Variants in ZNF232 observed in about 807,000 individuals in gnomAD.
The protein encoded by ZNF232 is zinc finger and SCAN domain-containing protein 11.
A neutral mutation model predicts 25.2 loss-of-function variants in ZNF232; 25 were observed. That is an observed-to-expected ratio of 0.99 (90% CI 0.72 to 1.39). The LOEUF (loss-of-function observed/expected upper bound fraction) is 1.39. Among genes scored for constraint, ZNF232 ranks in the 40% most tolerant of loss-of-function variants. ZNF232 has a pLI of 0.00. For missense variants in ZNF232, 519 were observed against 520.9 expected (o/e 1.00, Z 0.04); for synonymous variants, 193 against 182.9 (o/e 1.06, Z -0.45).
At chr17:5,117,557 G>A (rs2143684419) in intron 1 of ZNF232, among the ~76,000 whole-genome samples, 1 of 151,200 alleles carries the variant, frequency 6.6e-6, no homozygotes, top group East Asian at 1.9e-4. Flanking sequence ...TACAGCACAA[G>A]TGAATAAATG....
rs533982299 is a variant in ZNF232, at chr17:5,111,746, G to T, written c.23+54C>A. On this transcript the variant is annotated intron_variant, in intron 1 of 3. Coordinates refer to ENST00000575898, the Ensembl canonical transcript of ZNF232. ...GCAGAGCCGCCGCTGCCTGCGGGAC[G>T]GGCAAAAGCCAAGCCGCCAGGTGGA... 189 of 1,612,744 alleles carry T rather than the reference G, an allele frequency of 1.2e-4. 2 individuals carry two copies. Among genetic ancestry groups the T allele is most frequent in the Middle Eastern group, 9.9e-4 (6 of 6,058 alleles).
intron 3 of ZNF232, 44 bp downstream of exon 3, chr17:5,108,882 G>A: frequency 6.2e-7 from 1 of 1,612,872 alleles, no homozygotes; most frequent in Middle Eastern, 1.7e-4. Context: ...GCCCTTTATA[G>A]TCCCTCTTTC....
chr17:5,109,202 G>T, intron 2 of ZNF232, 150 bp from the exon 3 acceptor site: 1 of 1,280,454 alleles, frequency 7.8e-7, no homozygotes. Flanking sequence ...CAGCACAAGG[G>T]AAGAAGAGGA....
intron 3 of ZNF232, among the ~76,000 whole-genome samples, chr17:5,107,204 C>T (rs544901342): frequency 3.8e-4 from 58 of 151,596 alleles, no homozygotes; most frequent in Non-Finnish European, 6.6e-4. Flanking sequence ...CTGGCCAACA[C>T]GGTGAAACCC....
At chr17:5,116,002 G>C (rs1337347238), upstream of ZNF232, among the ~76,000 whole-genome samples, 1 of 152,246 alleles carries the variant, frequency 6.6e-6, no homozygotes, top group Admixed American at 6.5e-5. Flanking sequence ...ACGGCACAAA[G>C]GGGCGCAAGG....
rs372272697 is a variant in ZNF232 at position 5,118,572 on chromosome 17, C to T, written c.-530+4405G>A. The stretch of plus-strand genomic sequence containing the variant: ...GCTCAGCTGGCCCCTAGCCCCATTG[C>T]GTGGGGTGGCTACCTGCCACTGGTG... On this transcript the variant is annotated intron_variant, in intron 1 of 4. Coordinates refer to the ZNF232 transcript ENST00000250076. 9.3e-4 allele frequency among the ~76,000 whole-genome samples: 141 copies of T among 152,292 alleles called. 5 individuals are homozygous for T. In the South Asian group the frequency reaches 0.027, roughly 29 times the overall value.
intron 1 of ZNF232, among the ~76,000 whole-genome samples, chr17:5,119,913 G>C (rs1432475973): frequency 6.6e-6 from 1 of 152,108 alleles, no homozygotes; most frequent in East Asian, 1.9e-4. Flanking sequence ...CTTCAGGTCT[G>C]TCGGACTTGT....
intron 1 of ZNF232, 188 bp downstream of exon 1, chr17:5,111,612 T>A (rs2072412124): frequency 2.5e-6 from 2 of 796,386 alleles, no homozygotes; most frequent in Non-Finnish European, 3.9e-6. Context: ...AAGACCCCCC[T>A]CCACGGCACG....
chr17:5,114,522 C>T (rs1468801224), upstream of ZNF232: 1 of 152,368 alleles, frequency 6.6e-6, no homozygotes, highest in African/African-American at 2.4e-5. Context: ...TATGGATTCT[C>T]TGATGTTCTG....
At chr17:5,111,824 G>C (rs766277515) in exon 1 of ZNF232, 125 of 1,613,738 alleles carry the variant, frequency 7.7e-5, no homozygotes, top group Admixed American at 5.2e-4. Flanking sequence ...AGGTTCCATC[G>C]GGGCGCTGCC....
intron 1 of ZNF232, chr17:5,111,589 G>T (rs555342107): frequency 1.5e-6 from 1 of 676,128 alleles, no homozygotes. Context: ...CGAGAAAAGA[G>T]AAGAGGAACA....
chr17:5,116,162 A>G (rs1314891867), upstream of ZNF232, among the ~76,000 whole-genome samples: 1 of 152,138 alleles, frequency 6.6e-6, no homozygotes, highest in African/African-American at 2.4e-5. Flanking sequence ...GGCCGCGCCC[A>G]TGCTGTCCCC....
At chr17:5,122,816 G>T (rs892435468) in intron 1 of ZNF232, among the ~76,000 whole-genome samples, 10 of 152,242 alleles carry the variant, frequency 6.6e-5, no homozygotes, top group Non-Finnish European at 1.2e-4. Context: ...GTAGGGCGCG[G>T]AGAGCGCACT....
At chr17:5,109,761 T>C in exon 2 of ZNF232, 2 of 1,614,234 alleles carry the variant, frequency 1.2e-6, no homozygotes, top group Non-Finnish European at 1.7e-6. Flanking sequence ...CTCTTGTCCC[T>C]GTGTACCCTG....
At chr17:5,113,658 T>C (rs138590710), upstream of ZNF232, 1 of 152,380 alleles carries the variant, frequency 6.6e-6, no homozygotes, top group Non-Finnish European at 1.5e-5. Context: ...TTGACATTTA[T>C]ACTAATGTGA....
At chr17:5,122,973 T>C (rs2072743846) in intron 1 of ZNF232, 1 of 152,654 alleles carries the variant, frequency 6.6e-6, no homozygotes, top group African/African-American at 2.4e-5. Flanking sequence ...AGTTGGAAAC[T>C]TACTGCAATC....
exon 2 of ZNF232, chr17:5,109,731 G>C: frequency 6.2e-7 from 1 of 1,614,064 alleles, no homozygotes; most frequent in Non-Finnish European, 8.5e-7. Context: ...CTCTTCCTTT[G>C]GTCCCATCAT....
At chr17:5,115,564 A>ACACACACG (rs1555584351), upstream of ZNF232, among the ~76,000 whole-genome samples, 1,083 of 151,774 alleles carry the variant, frequency 7.1e-3, 14 homozygotes, top group African/African-American at 0.025. Context: ...AAACACACAC[A>ACACACACG]CACACACACA....
intron 3 of ZNF232, 46 bp from the exon 4 acceptor site, chr17:5,106,579 G>A: frequency 6.8e-7 from 1 of 1,477,410 alleles, no homozygotes; most frequent in Non-Finnish European, 9.1e-7. Context: ...GTATATTTCT[G>A]GAATGAAAAC....
Sources: allele counts gnomAD v4.1 joint callset (sites outside exome capture counted in the v4.1 genomes callset), GRCh38; gene constraint gnomAD v4.1.1; transcripts MANE v1.5; gene names NCBI Gene and HGNC (gene_info 2026-07-23, HGNC 2026-07-21).